TBXAS1: variants seen among roughly 807,000 people sequenced by gnomAD.
TBXAS1 encodes the protein thromboxane A synthase 1.
TBXAS1 carries 48 observed loss-of-function variants against 60.7 expected under a neutral mutation model. That is an observed-to-expected ratio of 0.79 (90% confidence interval 0.63 to 1.01). The LOEUF (loss-of-function observed/expected upper bound fraction) is 1.01, where lower values mean the gene tolerates loss of function less well. Ranked by LOEUF, TBXAS1 falls within the 50% of genes least tolerant of loss-of-function variation. The probability of loss-of-function intolerance (pLI) is 0.00; values close to 1 mark genes in which losing one functional copy is unlikely to be tolerated. For synonymous variants in TBXAS1, 287 were observed against 269.7 expected, an observed-to-expected ratio of 1.06 and a Z score of -0.63; for missense variants, 685 against 686.3, an observed-to-expected ratio of 1.00 and a Z score of 0.02.
At chr7:139,936,126 T>C (rs574250694) in intron 4 of TBXAS1, 65 bp from the exon 5 acceptor site, 18 of 1,473,916 alleles carry the variant, frequency 1.2e-5, no homozygotes, top group Non-Finnish European at 1.6e-5. Flanking sequence ...GTCATGGACC[T>C]GTATTGCCAC....
chr7:139,948,318 A>G (rs532965587), intron 5 of TBXAS1, among the ~76,000 whole-genome samples: 14 of 152,146 alleles, frequency 9.2e-5, no homozygotes, highest in East Asian at 5.8e-4. Flanking sequence ...GGGAGAGAGA[A>G]TAAGCATGAG....
chr7:139,848,348 A>G (rs1265160021), intron 1 of TBXAS1, among the ~76,000 whole-genome samples: 1 of 152,134 alleles, frequency 6.6e-6, no homozygotes, highest in East Asian at 1.9e-4. Flanking sequence ...ACGTAGGGGT[A>G]GAAAAAAAGT....
chr7:139,815,415 T>G (rs1346631306), intron 4 of TBXAS1, among the ~76,000 whole-genome samples: 1 of 152,194 alleles, frequency 6.6e-6, no homozygotes. Flanking sequence ...TCTTTTGAAA[T>G]GTATGATTCT....
intron 3 of TBXAS1, among the ~76,000 whole-genome samples, chr7:139,904,380 G>GA (rs1428735763): frequency 2.6e-5 from 4 of 152,038 alleles, no homozygotes; most frequent in Non-Finnish European, 4.4e-5. Flanking sequence ...CAGATAGTGA[G>GA]ATACCTCCAG....
At chr7:140,016,202 C>G (rs1056384573) in intron 11 of TBXAS1, among the ~76,000 whole-genome samples, 2 of 151,986 alleles carry the variant, frequency 1.3e-5, no homozygotes, top group African/African-American at 2.4e-5. Context: ...GTGGCGGGCG[C>G]CTGTAGTCCC....
At chr7:140,016,147 T>C (rs1206842484) in intron 11 of TBXAS1, among the ~76,000 whole-genome samples, 1 of 151,862 alleles carries the variant, frequency 6.6e-6, no homozygotes, top group African/African-American at 2.4e-5. Flanking sequence ...GCTAACACGG[T>C]GAAACCCCAT....
intron 8 of TBXAS1, among the ~76,000 whole-genome samples, chr7:139,960,449 A>G (rs1810237697): frequency 6.6e-6 from 1 of 152,136 alleles, no homozygotes; most frequent in Non-Finnish European, 1.5e-5. Flanking sequence ...AATCTTATGG[A>G]GGAGGAAAAG....
chr7:139,952,674 A>C (rs1809508704), intron 5 of TBXAS1: 2 of 1,532,662 alleles, frequency 1.3e-6, no homozygotes, highest in Non-Finnish European at 1.7e-6. Flanking sequence ...CCATTATGCC[A>C]CTCTACCTTT....
intron 8 of TBXAS1, among the ~76,000 whole-genome samples, chr7:139,958,587 A>T (rs527715992): frequency 1.3e-5 from 2 of 152,348 alleles, no homozygotes; most frequent in Admixed American, 6.5e-5. Context: ...CAAAGACTGG[A>T]TGGCTCAGAG....
intron 4 of TBXAS1, among the ~76,000 whole-genome samples, chr7:139,820,582 G>T (rs549626104): frequency 1.2e-4 from 18 of 152,238 alleles, no homozygotes; most frequent in African/African-American, 3.4e-4. Flanking sequence ...ACGGGTTACA[G>T]TTACCCTAAA....
rs570982567 is a variant in TBXAS1, at chr7:140,007,194, C to A, written c.1226+12C>A. The A allele has an allele frequency of 6.2e-6, 10 of 1,613,444 alleles. No homozygotes were observed. In the South Asian group the frequency reaches 1.1e-4, roughly 18 times the overall value. ...CCGCCAGCTTTCAGGTGTGTGGTAG[C>A]CCCCTCCCCTGCCCGAGTCCCCACC... On this transcript the variant is annotated intron_variant, in intron 10 of 12. Transcript: ENST00000448866.
At chr7:140,018,017 A>G (rs1225518577) in intron 12 of TBXAS1, among the ~76,000 whole-genome samples, 184 bp downstream of exon 12, 3 of 151,742 alleles carry the variant, frequency 2.0e-5, no homozygotes, top group African/African-American at 4.8e-5. Context: ...TAATAATAAC[A>G]CCCTCTACCT....
At chr7:139,892,463 C>T (rs535925993) in intron 3 of TBXAS1, among the ~76,000 whole-genome samples, 9 of 152,128 alleles carry the variant, frequency 5.9e-5, no homozygotes, top group East Asian at 3.9e-4. Context: ...TATGGTGCCG[C>T]GCACCTGTAA....
At chr7:139,897,234 C>A (rs1203740239) in intron 3 of TBXAS1, among the ~76,000 whole-genome samples, 1 of 151,766 alleles carries the variant, frequency 6.6e-6, no homozygotes, top group Non-Finnish European at 1.5e-5. Flanking sequence ...AAAGAGGAGC[C>A]GTTCCAGGCA....
intron 1 of TBXAS1, among the ~76,000 whole-genome samples, chr7:139,836,315 A>G (rs141614754): frequency 0.011 from 1,728 of 152,262 alleles, 76 homozygotes; most frequent in Admixed American, 0.079. Flanking sequence ...TAGAAAAAAC[A>G]ATTCTAAAAT....
At chr7:139,907,833 T>C (rs531745623) in intron 3 of TBXAS1, among the ~76,000 whole-genome samples, 4 of 152,132 alleles carry the variant, frequency 2.6e-5, no homozygotes, top group African/African-American at 7.2e-5. Context: ...TTATTAGTAG[T>C]TTTGTGGTTG....
intron 4 of TBXAS1, among the ~76,000 whole-genome samples, chr7:139,912,759 G>C (rs12537034): frequency 0.2 from 29,993 of 152,050 alleles, 3,448 homozygotes; most frequent in African/African-American, 0.32. Flanking sequence ...AAGTCCCCCT[G>C]CCTGTGTTCC....
At chr7:139,892,797 C>T (rs993926295) in intron 3 of TBXAS1, among the ~76,000 whole-genome samples, 1 of 152,072 alleles carries the variant, frequency 6.6e-6, no homozygotes, top group African/African-American at 2.4e-5. Context: ...GGGAGTCTGC[C>T]GAATTCAGAA....
intron 4 of TBXAS1, among the ~76,000 whole-genome samples, chr7:139,802,558 G>T (rs1374699114): frequency 3.3e-5 from 5 of 152,220 alleles, no homozygotes; most frequent in Non-Finnish European, 7.3e-5. Flanking sequence ...GCTGAAGTGG[G>T]TAGATTACCT....
Sources: gnomAD v4.1 joint callset for allele counts (sites outside exome capture counted in the v4.1 genomes callset) on GRCh38, gnomAD v4.1.1 for gene constraint, MANE v1.5 for transcripts, NCBI Gene and HGNC (gene_info 2026-07-23, HGNC 2026-07-21) for gene names.